Variants in TBC1D12 observed in about 807,000 individuals in gnomAD.
TBC1D12 encodes the protein TBC1 domain family, member 12.
Under a neutral mutation model 86.7 loss-of-function variants are expected in TBC1D12, and 56 were observed. That is an observed-to-expected ratio of 0.65 (90% CI 0.52 to 0.81). The LOEUF is 0.81. Among genes scored for constraint, TBC1D12 ranks in the 30% least tolerant of loss-of-function variants. The pLI is 0.00. For missense variants in TBC1D12, 1,023 were observed against 1,038.8 expected, an observed-to-expected ratio of 0.98 and a Z score of 0.21; for synonymous variants, 421 against 411.7, an observed-to-expected ratio of 1.02 and a Z score of -0.27.
chr10:94,532,803 A>G (rs1339103486), intron 12 of TBC1D12, among the ~76,000 whole-genome samples: 2 of 152,172 alleles, frequency 1.3e-5, no homozygotes, highest in Non-Finnish European at 2.9e-5. Flanking sequence ...AGAAAATGTT[A>G]TGTTACCAAA....
At chr10:94,481,783 A>G (rs916473492) in intron 3 of TBC1D12, among the ~76,000 whole-genome samples, 48 of 137,930 alleles carry the variant, frequency 3.5e-4, no homozygotes, top group African/African-American at 1.2e-3. Context: ...GTTTTGGCCT[A>G]TCTTGGCTTT....
intron 1 of TBC1D12, among the ~76,000 whole-genome samples, chr10:94,417,747 CTTCTT>C: frequency 7.3e-6 from 1 of 136,110 alleles, no homozygotes; most frequent in African/African-American, 2.8e-5. Flanking sequence ...TGTGTCTCTT[CTTCTT>C]TTTTTTTTTT....
chr10:94,500,088 T>TTACA, intron 5 of TBC1D12, 133 bp from the exon 6 acceptor site: 2 of 739,482 alleles, frequency 2.7e-6, no homozygotes, highest in Non-Finnish European at 4.3e-6. Flanking sequence ...AAAGAATGCA[T>TTACA]TACATACTTA....
chr10:94,483,039 CTTTTT>C (rs71031579), intron 3 of TBC1D12, among the ~76,000 whole-genome samples: 1 of 124,630 alleles, frequency 8.0e-6, no homozygotes, highest in Non-Finnish European at 1.6e-5. Context: ...TATTCTTCTT[CTTTTT>C]TTTTTTTTTT....
intron 2 of TBC1D12, among the ~76,000 whole-genome samples, chr10:94,466,500 GGCTGGATTTTATTAT>G (rs1564961110): frequency 6.6e-6 from 1 of 151,924 alleles, no homozygotes; most frequent in Non-Finnish European, 1.5e-5. Context: ...CTTACTGAAA[GGCTGGATTTTATTAT>G]TAGCAACACT....
chr10:94,530,854 CTT>C (rs71031584), intron 11 of TBC1D12, among the ~76,000 whole-genome samples: 1,252 of 102,658 alleles, frequency 0.012, 3 homozygotes, highest in African/African-American at 0.037. Context: ...GGGAGGAAGC[CTT>C]TTTTTTTTTT....
chr10:94,522,264 T>G (rs897302656), intron 10 of TBC1D12, 80 bp from the exon 11 acceptor site: 1 of 1,072,494 alleles, frequency 9.3e-7, no homozygotes, highest in Admixed American at 3.1e-5. Context: ...GAGCACGATT[T>G]CCTGTTAGTG....
chr10:94,526,360 A>C (rs916043062), intron 11 of TBC1D12, among the ~76,000 whole-genome samples: 1 of 151,774 alleles, frequency 6.6e-6, no homozygotes, highest in Non-Finnish European at 1.5e-5. Flanking sequence ...GCTTGAGCCT[A>C]GGAGGCTCAA....
chr10:94,531,984 C>T (rs975803755), intron 12 of TBC1D12, among the ~76,000 whole-genome samples: 1 of 145,112 alleles, frequency 6.9e-6, no homozygotes, highest in African/African-American at 2.6e-5. Context: ...GGGTTCACAC[C>T]ATTCTCCTGC....
At chr10:94,521,856 C>T in intron 9 of TBC1D12, 99 bp from the exon 10 acceptor site, 2 of 1,109,226 alleles carry the variant, frequency 1.8e-6, no homozygotes, top group Non-Finnish European at 1.2e-6. Flanking sequence ...GTTAATTCTA[C>T]TTTGTAATGT....
At chr10:94,527,391 TG>T (rs1223087236) in intron 11 of TBC1D12, among the ~76,000 whole-genome samples, 2 of 151,466 alleles carry the variant, frequency 1.3e-5, no homozygotes, top group African/African-American at 4.8e-5. Context: ...GCCTGGCGTT[TG>T]TTTTTTTTTT....
intron 10 of TBC1D12, 106 bp downstream of exon 10, chr10:94,522,189 CATT>C (rs1016348764): frequency 4.5e-6 from 6 of 1,344,966 alleles, no homozygotes; most frequent in Non-Finnish European, 5.0e-6. Context: ...ATAAACTTAT[CATT>C]ATATTATAGT....
At chr10:94,411,688 G>A (rs1199178448) in intron 1 of TBC1D12, among the ~76,000 whole-genome samples, 4 of 152,104 alleles carry the variant, frequency 2.6e-5, no homozygotes, top group Non-Finnish European at 4.4e-5. Context: ...AAAGTTGCGT[G>A]GTTGGGCCCA....
intron 2 of TBC1D12, among the ~76,000 whole-genome samples, chr10:94,466,405 C>G (rs1411799180): frequency 6.6e-6 from 1 of 151,722 alleles, no homozygotes; most frequent in Non-Finnish European, 1.5e-5. Flanking sequence ...ATATTGCTGT[C>G]TATTGACAAC....
intron 2 of TBC1D12, among the ~76,000 whole-genome samples, chr10:94,468,823 T>C (rs923584027): frequency 1.3e-5 from 2 of 152,336 alleles, no homozygotes; most frequent in Non-Finnish European, 2.9e-5. Context: ...TCCCTAAAGC[T>C]CTGCTTATAT....
At chr10:94,523,836 G>A (rs929118859) in intron 11 of TBC1D12, among the ~76,000 whole-genome samples, 2 of 152,028 alleles carry the variant, frequency 1.3e-5, no homozygotes, top group Non-Finnish European at 2.9e-5. Flanking sequence ...AGACATAGTC[G>A]TGCATTCCTG....
Position 94,507,300 on chromosome 10 carries a change from A to G in TBC1D12, c.1553A>G (p.Glu518Gly), listed in dbSNP as rs1469235871. 6.2e-7 allele frequency: 1 copy of G among 1,610,498 alleles called. No homozygotes were observed. The highest frequency in any genetic ancestry group is 1.3e-5 in the African/African-American group (1 of 74,692). Residue 518 changes from glutamate to glycine, a missense_variant, in exon 7 of 13, where the codon GAA becomes GGA. Coordinates refer to ENST00000225235, the MANE Select transcript of TBC1D12 (RefSeq NM_015188.2). The stretch of plus-strand genomic sequence containing the variant: ...GAAATCTTCCTCTCAAGAGCAAAAG[A>G]ACGGTGGAAAAGTTTCAGTGAAACA... ...LYEIFLSRAKERWKSFSETSS... is the reference protein window; with the variant it reads ...LYEIFLSRAKGRWKSFSETSS...
chr10:94,448,142 A>G (rs569008081), intron 2 of TBC1D12, among the ~76,000 whole-genome samples: 32 of 152,236 alleles, frequency 2.1e-4, no homozygotes, highest in African/African-American at 7.7e-4. Flanking sequence ...GAGAGTTTCA[A>G]ATTGTCTAAA....
At chr10:94,520,388 A>C (rs1466330533) in intron 9 of TBC1D12, among the ~76,000 whole-genome samples, 1 of 152,010 alleles carries the variant, frequency 6.6e-6, no homozygotes, top group Non-Finnish European at 1.5e-5. Flanking sequence ...CCCCGTCTCT[A>C]CTAAAAATAC....
Sources: allele counts gnomAD v4.1 joint callset (sites outside exome capture counted in the v4.1 genomes callset), GRCh38; gene constraint gnomAD v4.1.1; transcripts MANE v1.5; gene names NCBI Gene and HGNC (gene_info 2026-07-23, HGNC 2026-07-21).